The following GYPB variants were observed in gnomAD, a reference collection of about 807,000 sequenced individuals.
The protein encoded by GYPB is glycophorin-B.
Under a neutral mutation model 15.3 loss-of-function variants are expected in GYPB, and 13 were observed. The observed-to-expected ratio is 0.85, with a 90% CI of 0.55 to 1.35. The LOEUF is 1.35. Among genes scored for constraint, GYPB ranks in the 40% most tolerant of loss-of-function variants. The pLI is 0.00. For synonymous variants in GYPB, 38 were observed against 36.9 expected (o/e 1.03, Z -0.11); for missense variants, 131 against 108.3 (o/e 1.21, Z -0.93).
At chr4:143,995,682 C>A (rs867393931), downstream of GYPB, among the ~76,000 whole-genome samples, 2 of 151,230 alleles carry the variant, frequency 1.3e-5, no homozygotes, top group Middle Eastern at 3.4e-3. Context: ...ATTCTCTTTA[C>A]TGTTGAGGAG....
intron 1 of GYPB, among the ~76,000 whole-genome samples, chr4:144,017,387 A>T (rs1014439255): frequency 6.6e-6 from 1 of 150,796 alleles, no homozygotes; most frequent in Non-Finnish European, 1.5e-5. Context: ...CACCATGTTT[A>T]GTCTTCGGCT....
Position 144,010,703 on chromosome 4 carries a change from A to T in GYPB, c.37+8548T>A, listed in dbSNP as rs138352224. On this transcript the variant is annotated intron_variant, in intron 1 of 4. Transcript: ENST00000502664. ...GGCTGCCAGATCAATAGCGTATGAC[A>T]TACCTGAAATGCACTCACGGCCCGC... Among the ~76,000 whole-genome samples the T allele has an allele frequency of 1.1e-3, 159 of 151,410 alleles. 5 individuals carry two copies. The highest frequency in any genetic ancestry group is 3.7e-3 in the African/African-American group (149 of 40,718).
chr4:144,014,638 T>C (rs924057282), intron 1 of GYPB, among the ~76,000 whole-genome samples: 10 of 151,324 alleles, frequency 6.6e-5, no homozygotes, highest in Non-Finnish European at 1.2e-4. Flanking sequence ...GAATTGGAAG[T>C]GGCTGCTACT....
intron 1 of GYPB, among the ~76,000 whole-genome samples, chr4:144,008,770 CA>C (rs932053192): frequency 2.0e-5 from 3 of 151,470 alleles, no homozygotes; most frequent in African/African-American, 7.4e-5. Context: ...ACTGGTTGAA[CA>C]ATACAAAATT....
Position 144,019,308 on chromosome 4 carries a change from C to G in GYPB, c.-21G>C, listed in dbSNP as rs944599830. 1 of 1,611,656 alleles carries G rather than the reference C, an allele frequency of 6.2e-7. No individual in the cohort carries two copies. Among genetic ancestry groups the G allele is most frequent in the Non-Finnish European group, 8.5e-7 (1 of 1,179,410 alleles). Reference sequence around the variant, plus strand: ...TACATCCTGAGATCATGAGCTGGTTCCTGAAGTTAGTGCAAAAAAACTACC... The same window carrying G: ...TACATCCTGAGATCATGAGCTGGTTGCTGAAGTTAGTGCAAAAAAACTACC... On this transcript the variant is annotated 5_prime_UTR_variant, in exon 1 of 5. Coordinates refer to ENST00000502664, the MANE Select transcript of GYPB (RefSeq NM_002100.6).
chr4:144,001,533 C>G lies in GYPB; in HGVS notation c.38-250G>C, dbSNP rs536279424. On this transcript the variant is annotated intron_variant, in intron 1 of 4. Coordinates refer to ENST00000502664, the MANE Select transcript of GYPB (RefSeq NM_002100.6). ...GCAGAGGTTTACAGATAAAGTGTGC[C>G]TTGGTTTTCTCATCTGTACAATAGT... Among the ~76,000 whole-genome samples the G allele has an allele frequency of 9.8e-4, 148 of 151,398 alleles. 13 individuals are homozygous for G. Among genetic ancestry groups the G allele is most frequent in the African/African-American group, 3.5e-3 (141 of 40,760 alleles).
intron 1 of GYPB, among the ~76,000 whole-genome samples, chr4:144,014,916 G>A (rs1414693449): frequency 1.3e-5 from 2 of 151,472 alleles, no homozygotes; most frequent in Non-Finnish European, 2.9e-5. Context: ...CTAACCTGCT[G>A]TATATAAATC....
rs190109835 is a variant in GYPB, at chr4:144,002,543, A to G, written c.38-1260T>C. ...AGAGTTATAAATCATTATGATAAAC[A>G]TCAGTACCCTGAACTCTGTAGATGT... On this transcript the variant is annotated intron_variant, in intron 1 of 4. Transcript: ENST00000502664. The G allele has an allele frequency of 1.4e-3, 1,676 of 1,237,438 alleles. 63 individuals carry two copies. In the African/African-American group the frequency reaches 0.023, roughly 17 times the overall value. The allele number at this position is 1,237,438 out of a possible 1,614,324, so 76.7% of individuals were successfully genotyped here.
chr4:143,996,219 G>T lies in GYPB; in HGVS notation c.*80C>A. On this transcript the variant is annotated 3_prime_UTR_variant, in exon 5 of 5. Transcript: ENST00000502664. ...AGGGGCATAAGCAAAGGAATAGCAG[G>T]TGCAGCCAGTTTGCATAAACAAGAG... The T allele has an allele frequency of 6.5e-7, 1 of 1,549,564 alleles. No homozygotes were observed. Among genetic ancestry groups the T allele is most frequent in the Non-Finnish European group, 8.7e-7 (1 of 1,146,448 alleles).
chr4:144,008,318 G>A, intron 1 of GYPB: 2 of 446,990 alleles, frequency 4.5e-6, no homozygotes, highest in Non-Finnish European at 9.0e-6. Context: ...AAATTATAAT[G>A]CAACCAACTC....
At chr4:144,004,643 A>C (rs2149961040) in intron 1 of GYPB, among the ~76,000 whole-genome samples, 1 of 151,712 alleles carries the variant, frequency 6.6e-6, no homozygotes, top group Admixed American at 6.5e-5. Context: ...AAACCAAAGA[A>C]ACATCCTTAA....
chr4:144,009,678 A>T (rs1402176281), intron 1 of GYPB, among the ~76,000 whole-genome samples: 3 of 114,902 alleles, frequency 2.6e-5, no homozygotes, highest in Non-Finnish European at 4.8e-5. Context: ...CAGTGGCCCG[A>T]TCTCCGCTCA....
In GYPB at chr4:144,011,472, G is replaced by A. The variant is rs191834855; in HGVS notation, c.37+7779C>T. On this transcript the variant is annotated intron_variant, in intron 1 of 4. Coordinates refer to ENST00000502664, the MANE Select transcript of GYPB (RefSeq NM_002100.6). Reference sequence around the variant, plus strand: ...ATTAAGAGAAAAGACATTACAAACAGTGAAAAAGATTTACTTGTGTCATTA... The same window carrying A: ...ATTAAGAGAAAAGACATTACAAACAATGAAAAAGATTTACTTGTGTCATTA... Among the ~76,000 whole-genome samples, 298 of 151,268 alleles carry A rather than the reference G, an allele frequency of 2.0e-3. 2 individuals carry two copies. Among genetic ancestry groups the A allele is most frequent in the Non-Finnish European group, 1.3e-3 (88 of 68,014 alleles).
chr4:144,000,032 T>A (rs568514999), intron 2 of GYPB: 44 of 188,866 alleles, frequency 2.3e-4, no homozygotes, highest in East Asian at 7.6e-4. Flanking sequence ...CATCCTACTT[T>A]TGTCTCTGTC....
Position 143,996,250 on chromosome 4 carries a change from C to T in GYPB, c.*49G>A, listed in dbSNP as rs1334480413. ...CCAGTTTGCATAAACAAGAGAACAG[C>T]AGGTGCAGCCGGTTCTAGGCAAGAT... On this transcript the variant is annotated 3_prime_UTR_variant, in exon 5 of 5. Coordinates refer to ENST00000502664, the MANE Select transcript of GYPB (RefSeq NM_002100.6). 11 of 1,550,166 alleles carry T rather than the reference C, an allele frequency of 7.1e-6. No homozygotes were observed. In the African/African-American group the frequency reaches 1.4e-4, roughly 20 times the overall value.
At position 144,002,334 on chromosome 4, in the gene GYPB, G is replaced by A. The variant is rs183245986; in HGVS notation, c.38-1051C>T. ...ATGGGATCATGGTGTTTAAATATGT[G>A]TGAATATGTATATAATGTTTACAAG... is the stretch of plus-strand genomic sequence containing the variant. On this transcript the variant is annotated intron_variant, in intron 1 of 4. Coordinates refer to ENST00000502664, the MANE Select transcript of GYPB (RefSeq NM_002100.6). 3.4e-3 allele frequency among the ~76,000 whole-genome samples: 514 copies of A among 151,466 alleles called. 24 individuals carry two copies. The highest frequency in any genetic ancestry group is 0.012 in the African/African-American group (478 of 40,800).
At chr4:144,004,424 A>C (rs1197409141) in intron 1 of GYPB, among the ~76,000 whole-genome samples, 2 of 151,982 alleles carry the variant, frequency 1.3e-5, no homozygotes, top group Admixed American at 6.5e-5. Context: ...TTGGAAGTCT[A>C]TAGTTTACAA....
chr4:144,002,991 A>G (rs1727706490), intron 1 of GYPB, among the ~76,000 whole-genome samples: 1 of 151,402 alleles, frequency 6.6e-6, no homozygotes, highest in Non-Finnish European at 1.5e-5. Flanking sequence ...GAATGTTTCT[A>G]AGTTGTTCAG....
chr4:144,002,581 C>T (rs1367756069), intron 1 of GYPB: 1 of 1,286,058 alleles, frequency 7.8e-7, no homozygotes, highest in African/African-American at 1.6e-5. Flanking sequence ...CTTTGCTCAT[C>T]TCTTGGAGAC....
Sources: allele counts gnomAD v4.1 joint callset (sites outside exome capture counted in the v4.1 genomes callset), GRCh38; gene constraint gnomAD v4.1.1; transcripts MANE v1.5; gene names NCBI Gene and HGNC (gene_info 2026-07-23, HGNC 2026-07-21).